Variants in TMEM163 observed in about 807,000 individuals in gnomAD.
TMEM163 encodes transmembrane protein 163.
Under a neutral mutation model 29.3 loss-of-function variants are expected in TMEM163, and 17 were observed. The ratio of observed to expected loss-of-function variants is 0.58; its 90% CI spans 0.40 to 0.87. TMEM163 has a LOEUF of 0.87. Among genes scored for constraint, TMEM163 ranks in the 40% least tolerant of loss-of-function variants. The pLI, the probability that TMEM163 is intolerant of heterozygous loss-of-function variation, is 0.00. For synonymous variants in TMEM163, 157 were observed against 160.6 expected (o/e 0.98, Z 0.17); for missense variants, 303 against 381.5 (o/e 0.79, Z 1.71).
chr2:134,707,030 C>A (rs765427788), intron 2 of TMEM163, among the ~76,000 whole-genome samples: 1 of 152,182 alleles, frequency 6.6e-6, no homozygotes, highest in African/African-American at 2.4e-5. Flanking sequence ...AAGCAGCCTC[C>A]GGGTTTATCG....
At position 134,547,672 on chromosome 2, in the gene TMEM163, G is replaced by C. The variant is rs74905081; in HGVS notation, c.458+2898C>G. Among the ~76,000 whole-genome samples the C allele has an allele frequency of 5.8e-4, 89 of 152,298 alleles. No individual in the cohort carries two copies. In the East Asian group the frequency reaches 0.017, roughly 28 times the overall value. The stretch of plus-strand genomic sequence containing the variant: ...ACTTTAAACCAAAGCCAACAATATA[G>C]AGGATTGTGAGTATCACTTAAATCC... On this transcript the variant is annotated intron_variant, in intron 4 of 7. Transcript: ENST00000281924.
intron 2 of TMEM163, among the ~76,000 whole-genome samples, chr2:134,585,841 T>C (rs558603942): frequency 2.6e-5 from 4 of 152,228 alleles, no homozygotes; most frequent in Non-Finnish European, 5.9e-5. Flanking sequence ...TAAAGCAAAA[T>C]TGGAATATTT....
In TMEM163 at chr2:134,456,665, C is replaced by T. The variant is rs1263386438; in HGVS notation, c.*51G>A. The T allele has an allele frequency of 6.3e-7, 1 of 1,598,364 alleles. No individual in the cohort carries two copies. Among genetic ancestry groups the T allele is most frequent in the Non-Finnish European group, 8.6e-7 (1 of 1,167,800 alleles). On this transcript the variant is annotated 3_prime_UTR_variant, in exon 8 of 8. Transcript: ENST00000281924. Reference sequence around the variant, plus strand: ...TTCAGTTAAATATTGGCACCCTTTGCCTATGTGGAAACTCCTCATCTCGAT... The same window carrying T: ...TTCAGTTAAATATTGGCACCCTTTGTCTATGTGGAAACTCCTCATCTCGAT...
At chr2:134,713,003 C>T (rs891979757) in intron 2 of TMEM163, among the ~76,000 whole-genome samples, 197 bp downstream of exon 2, 1 of 152,172 alleles carries the variant, frequency 6.6e-6, no homozygotes, top group African/African-American at 2.4e-5. Context: ...CACTCTCCAC[C>T]TCATCTTCTT....
chr2:134,473,110 A>T (rs1283626986), intron 5 of TMEM163, among the ~76,000 whole-genome samples: 1 of 152,240 alleles, frequency 6.6e-6, no homozygotes, highest in Non-Finnish European at 1.5e-5. Context: ...TTTATAGTAA[A>T]TAATGTACTT....
chr2:134,660,146 G>A (rs938656219), intron 2 of TMEM163, among the ~76,000 whole-genome samples: 1 of 152,110 alleles, frequency 6.6e-6, no homozygotes, highest in Admixed American at 6.6e-5. Flanking sequence ...GGAGGTAGGT[G>A]GGGGGCAGAC....
chr2:134,494,090 C>T (rs1679491992), intron 5 of TMEM163, among the ~76,000 whole-genome samples: 1 of 152,112 alleles, frequency 6.6e-6, no homozygotes. Flanking sequence ...AGGGAGAGTG[C>T]CAACCCCCGC....
chr2:134,625,887 C>A (rs1336681486), intron 2 of TMEM163, among the ~76,000 whole-genome samples: 1 of 152,200 alleles, frequency 6.6e-6, no homozygotes, highest in Non-Finnish European at 1.5e-5. Flanking sequence ...TCTCCCCAAC[C>A]CGCTTACAGC....
chr2:134,554,366 C>T lies in TMEM163; in HGVS notation c.323-2275G>A, dbSNP rs528647000. On this transcript the variant is annotated intron_variant, in intron 2 of 7. Transcript: ENST00000281924. ...ACTTGAACCCGGGAGGCAGAGGTTG[C>T]GGTGAACCGAGATCACGCCACTGCC... 1.7e-4 allele frequency among the ~76,000 whole-genome samples: 23 copies of T among 134,320 alleles called. No homozygotes were observed. The South Asian group carries it at 4.0e-3, about 23-fold the overall frequency. The allele number at this position is 134,320 out of a possible 152,430, so 88.1% of individuals were successfully genotyped here. A position where few individuals can be genotyped will look rare whatever the true frequency, so the allele number is the denominator to read the frequency against.
rs533437654 is a variant in TMEM163, at chr2:134,512,377, C to G, written c.459-9380G>C. On this transcript the variant is annotated intron_variant, in intron 4 of 7. Coordinates refer to ENST00000281924, the MANE Select transcript of TMEM163 (RefSeq NM_030923.5). ...AGGAAGCTGAGGCAGGAGAATCGCTCGAGCCTGGGAGGTGGAGGTTGCTGT... is the reference window on the plus strand; with the variant it reads ...AGGAAGCTGAGGCAGGAGAATCGCTGGAGCCTGGGAGGTGGAGGTTGCTGT... Among the ~76,000 whole-genome samples the G allele has an allele frequency of 1.8e-4, 28 of 152,204 alleles. No individual in the cohort carries two copies. In the East Asian group the frequency reaches 5.4e-3, roughly 29 times the overall value.
intron 2 of TMEM163, among the ~76,000 whole-genome samples, chr2:134,700,258 C>T (rs1182258147): frequency 2.0e-5 from 3 of 152,196 alleles, no homozygotes; most frequent in African/African-American, 7.2e-5. Context: ...CCATCCCTCC[C>T]ATCAGCTCCA....
intron 2 of TMEM163, among the ~76,000 whole-genome samples, chr2:134,619,611 T>C (rs1385407728): frequency 1.3e-5 from 2 of 152,124 alleles, no homozygotes; most frequent in African/African-American, 2.4e-5. Flanking sequence ...TACAGCTAAA[T>C]AATACCTAAC....
chr2:134,616,295 C>G (rs1439077007), intron 2 of TMEM163, among the ~76,000 whole-genome samples: 1 of 152,168 alleles, frequency 6.6e-6, no homozygotes, highest in Non-Finnish European at 1.5e-5. Flanking sequence ...ACCAGAGAGC[C>G]CTTCTTCACC....
At chr2:134,495,026 C>T (rs1392235155) in intron 5 of TMEM163, among the ~76,000 whole-genome samples, 1 of 152,214 alleles carries the variant, frequency 6.6e-6, no homozygotes, top group Non-Finnish European at 1.5e-5. Context: ...ACGTTTCCTG[C>T]CTCCAAAGGG....
At chr2:134,609,981 G>A (rs934420812) in intron 2 of TMEM163, among the ~76,000 whole-genome samples, 1 of 152,198 alleles carries the variant, frequency 6.6e-6, no homozygotes, top group African/African-American at 2.4e-5. Flanking sequence ...GGAGAAAGCA[G>A]AGAGAGAAAA....
At chr2:134,511,162 G>T (rs1679940505) in intron 4 of TMEM163, among the ~76,000 whole-genome samples, 1 of 149,018 alleles carries the variant, frequency 6.7e-6, no homozygotes, top group East Asian at 2.0e-4. Flanking sequence ...GCGGGGGGGG[G>T]TGCTGTTACT....
At chr2:134,650,024 AAG>A (rs1553489226) in intron 2 of TMEM163, among the ~76,000 whole-genome samples, 135 of 145,686 alleles carry the variant, frequency 9.3e-4, no homozygotes, top group African/African-American at 3.0e-3. Flanking sequence ...AAAAAAAAAA[AAG>A]AATGATGTAG....
chr2:134,489,347 A>T (rs1679378851), intron 5 of TMEM163, among the ~76,000 whole-genome samples: 1 of 151,988 alleles, frequency 6.6e-6, no homozygotes, highest in African/African-American at 2.4e-5. Context: ...TGAGAGGCTG[A>T]GGCGGGTGGA....
chr2:134,535,170 T>A (rs1680505588), intron 4 of TMEM163, among the ~76,000 whole-genome samples: 1 of 152,202 alleles, frequency 6.6e-6, no homozygotes, highest in Non-Finnish European at 1.5e-5. Flanking sequence ...GAGGAGAATT[T>A]GAACTTGGAT....
Sources: gnomAD v4.1 joint callset for allele counts (sites outside exome capture counted in the v4.1 genomes callset) on GRCh38, gnomAD v4.1.1 for gene constraint, MANE v1.5 for transcripts, NCBI Gene and HGNC (gene_info 2026-07-23, HGNC 2026-07-21) for gene names.